COBL: variants seen among roughly 807,000 people sequenced by gnomAD.
COBL encodes the protein cordon-bleu WH2 repeat protein, also known as protein cordon-bleu.
Under a neutral mutation model 98.8 loss-of-function variants are expected in COBL, and 51 were observed. The ratio of observed to expected loss-of-function variants is 0.52; its 90% CI spans 0.41 to 0.65. The LOEUF (loss-of-function observed/expected upper bound fraction) is 0.65. COBL is among the 30% of genes least tolerant of loss of function. COBL has a pLI of 0.00. For missense variants in COBL, 1,617 were observed against 1,617.5 expected, an observed-to-expected ratio of 1.00 and a Z score of 0.01; for synonymous variants, 634 against 651.7, an observed-to-expected ratio of 0.97 and a Z score of 0.41.
chr7:51,310,334 G>C (rs1435420226), intron 1 of COBL, among the ~76,000 whole-genome samples: 1 of 152,168 alleles, frequency 6.6e-6, no homozygotes, highest in African/African-American at 2.4e-5. Context: ...ATTTCACCTT[G>C]GACAACTGGC....
intron 8 of COBL, among the ~76,000 whole-genome samples, chr7:51,042,058 A>G (rs1789251058): frequency 6.6e-6 from 1 of 152,144 alleles, no homozygotes; most frequent in South Asian, 2.1e-4. Flanking sequence ...ATCCTTCTTC[A>G]TATCACACCC....
At chr7:51,124,721 C>A (rs1168770298) in intron 6 of COBL, among the ~76,000 whole-genome samples, 1 of 152,250 alleles carries the variant, frequency 6.6e-6, no homozygotes, top group Non-Finnish European at 1.5e-5. Context: ...CTTACACACC[C>A]TTCAGTTCCT....
intron 1 of COBL, among the ~76,000 whole-genome samples, chr7:51,278,649 G>A (rs1023399634): frequency 3.3e-5 from 5 of 152,220 alleles, no homozygotes; most frequent in Admixed American, 2.6e-4. Context: ...CAAAGTGCTG[G>A]GATTACAGGC....
At chr7:51,061,547 G>T (rs964935789) in intron 7 of COBL, among the ~76,000 whole-genome samples, 1 of 152,022 alleles carries the variant, frequency 6.6e-6, no homozygotes, top group Non-Finnish European at 1.5e-5. Flanking sequence ...GTTGGCAAGG[G>T]GTGAATTTGC....
chr7:51,063,763 G>A (rs914398046), intron 7 of COBL, among the ~76,000 whole-genome samples: 6 of 152,174 alleles, frequency 3.9e-5, no homozygotes, highest in African/African-American at 7.2e-5. Context: ...TTTAATGCAC[G>A]ATCTTCTGCA....
chr7:51,259,541 G>A (rs1223273303), intron 1 of COBL: 2 of 694,666 alleles, frequency 2.9e-6, no homozygotes, highest in Non-Finnish European at 5.3e-6. Context: ...CCACTGAGAA[G>A]TGGAAAGGGC....
intron 2 of COBL, among the ~76,000 whole-genome samples, chr7:51,213,993 C>T (rs956495260): frequency 5.3e-5 from 8 of 152,144 alleles, no homozygotes; most frequent in Non-Finnish European, 7.4e-5. Context: ...GCTGTGGGCA[C>T]GGTGGCTCAC....
At chr7:51,300,230 G>A (rs1034974133) in intron 1 of COBL, among the ~76,000 whole-genome samples, 4 of 151,930 alleles carry the variant, frequency 2.6e-5, no homozygotes, top group South Asian at 2.1e-4. Context: ...GCATCATGTC[G>A]GCTCACTGCA....
At chr7:51,314,678 G>A (rs889226830) in intron 1 of COBL, among the ~76,000 whole-genome samples, 1 of 152,180 alleles carries the variant, frequency 6.6e-6, no homozygotes, top group South Asian at 2.1e-4. Flanking sequence ...ATGACAAAGT[G>A]AGAACAATAG....
At chr7:51,207,720 G>A (rs1340130820) in intron 2 of COBL, among the ~76,000 whole-genome samples, 2 of 152,250 alleles carry the variant, frequency 1.3e-5, no homozygotes, top group African/African-American at 4.8e-5. Context: ...ACGGAGTCTC[G>A]TTCACTCAGT....
chr7:51,106,024 C>T (rs13222900), intron 6 of COBL, among the ~76,000 whole-genome samples: 1 of 139,044 alleles, frequency 7.2e-6, no homozygotes, highest in South Asian at 2.3e-4. Flanking sequence ...GAAACCCTGT[C>T]TCTACTAAAA....
intron 3 of COBL, 91 bp downstream of exon 3, chr7:51,193,288 A>C: frequency 8.7e-7 from 1 of 1,143,306 alleles, no homozygotes; most frequent in Middle Eastern, 2.3e-4. Flanking sequence ...AGCTCTCTGC[A>C]CTGTACTTTG....
At chr7:51,295,767 G>C (rs1486494394) in intron 1 of COBL, among the ~76,000 whole-genome samples, 1 of 152,178 alleles carries the variant, frequency 6.6e-6, no homozygotes, top group Non-Finnish European at 1.5e-5. Context: ...CAACTTTCTT[G>C]TTAACCTTTC....
At chr7:51,065,158 C>A (rs570174760) in intron 7 of COBL, 1 of 701,810 alleles carries the variant, frequency 1.4e-6, no homozygotes, top group East Asian at 2.7e-5. Flanking sequence ...GGATTGTCTC[C>A]CAAATGCCAA....
Position 51,027,736 on chromosome 7 carries a change from C to G in COBL, c.3360G>C (p.Ala1120=). The change falls in exon 10 of 13, where the codon GCG becomes GCC. Residue 1120 remains alanine, a synonymous_variant. Coordinates refer to ENST00000265136, the MANE Select transcript of COBL (RefSeq NM_015198.5). ...CCTTGCGTAGTCTGTCCTTCCCTCCCGCAGAGTGGATGGCTTCCATCAGGG... is the reference window on the plus strand; with the variant it reads ...CCTTGCGTAGTCTGTCCTTCCCTCCGGCAGAGTGGATGGCTTCCATCAGGG... ...HSALMEAIHS[A]GGKDRLRKTA... 1 of 1,613,734 alleles carries G rather than the reference C, an allele frequency of 6.2e-7. No individual in the cohort carries two copies. The highest frequency in any genetic ancestry group is 8.5e-7 in the Non-Finnish European group (1 of 1,179,780).
intron 1 of COBL, among the ~76,000 whole-genome samples, chr7:51,265,431 C>T (rs1798111292): frequency 6.6e-6 from 1 of 152,192 alleles, no homozygotes; most frequent in Non-Finnish European, 1.5e-5. Flanking sequence ...AGAAGGCTCC[C>T]CAGGCTGGAT....
At chr7:51,240,633 A>C (rs549292293) in intron 1 of COBL, among the ~76,000 whole-genome samples, 1 of 151,978 alleles carries the variant, frequency 6.6e-6, no homozygotes, top group African/African-American at 2.4e-5. Flanking sequence ...TACAACCTCC[A>C]CCTCCTGGGT....
intron 2 of COBL, among the ~76,000 whole-genome samples, chr7:51,207,949 G>A (rs528444017): frequency 5.9e-4 from 87 of 147,710 alleles, no homozygotes; most frequent in African/African-American, 1.3e-3. Flanking sequence ...AGTGAGGAGC[G>A]TCTCTGCCTG....
At chr7:51,277,676 G>A (rs1799433215) in intron 1 of COBL, among the ~76,000 whole-genome samples, 1 of 152,088 alleles carries the variant, frequency 6.6e-6, no homozygotes, top group South Asian at 2.1e-4. Flanking sequence ...AGATACAAGG[G>A]TGGAATACTC....
Sources: gnomAD v4.1 joint callset for allele counts (sites outside exome capture counted in the v4.1 genomes callset) on GRCh38, gnomAD v4.1.1 for gene constraint, MANE v1.5 for transcripts, NCBI Gene and HGNC (gene_info 2026-07-23, HGNC 2026-07-21) for gene names.